The following RAP1B variants were observed in gnomAD, a reference collection of about 807,000 sequenced individuals.
RAP1B encodes the protein RAP1B, member of RAS oncogene family, also known as ras-related protein Rap-1b.
A neutral mutation model predicts 27.5 loss-of-function variants in RAP1B; 1 was observed. The observed-to-expected ratio is 0.04, with a 90% confidence interval of 0.01 to 0.17. The LOEUF is 0.17. RAP1B is among the 10% of genes least tolerant of loss of function. The pLI, the probability that RAP1B is intolerant of heterozygous loss-of-function variation, is 1.00. For synonymous variants in RAP1B, 75 were observed against 73.1 expected, an observed-to-expected ratio of 1.03 and a Z score of -0.13; for missense variants, 84 against 214.8, an observed-to-expected ratio of 0.39 and a Z score of 3.81.
At chr12:68,616,679 C>T (rs893065739) in intron 1 of RAP1B, among the ~76,000 whole-genome samples, 3 of 152,064 alleles carry the variant, frequency 2.0e-5, no homozygotes, top group Non-Finnish European at 4.4e-5. Flanking sequence ...GGTGATCCAC[C>T]TGGCTTGGCC....
chr12:68,646,227 G>A (rs1471235558), intron 1 of RAP1B, among the ~76,000 whole-genome samples: 2 of 151,656 alleles, frequency 1.3e-5, no homozygotes, highest in Non-Finnish European at 2.9e-5. Flanking sequence ...ATGTTGTTTC[G>A]GTCAGTTGTG....
chr12:68,642,439 G>T lies in RAP1B; in HGVS notation c.-26-6260G>T, dbSNP rs1009917014. The T allele has an allele frequency of 6.0e-6, 4 of 662,482 alleles. No individual in the cohort carries two copies. The Admixed American group carries it at 7.6e-5, about 13-fold the overall frequency. 41.0% of individuals were successfully genotyped at this position (662,482 alleles called of 1,614,324 possible). A position where few individuals can be genotyped will look rare whatever the true frequency, so the allele number is the denominator to read the frequency against. On this transcript the variant is annotated intron_variant, in intron 1 of 7. Coordinates refer to ENST00000250559, the MANE Select transcript of RAP1B (RefSeq NM_001010942.3). Reference sequence around the variant, plus strand: ...TGTGCCTAAAATTATGGTGCTATTGGTCTACTGTATAATTATTATTTTTAA... The same window carrying T: ...TGTGCCTAAAATTATGGTGCTATTGTTCTACTGTATAATTATTATTTTTAA...
At chr12:68,613,409 G>A (rs1033740826) in intron 1 of RAP1B, among the ~76,000 whole-genome samples, 12 of 127,322 alleles carry the variant, frequency 9.4e-5, no homozygotes, top group African/African-American at 3.4e-4. Flanking sequence ...AAAAAAAAAA[G>A]GAGATAAGAA....
At chr12:68,638,956 C>T (rs1872812235) in intron 1 of RAP1B, among the ~76,000 whole-genome samples, 1 of 152,194 alleles carries the variant, frequency 6.6e-6, no homozygotes, top group Non-Finnish European at 1.5e-5. Context: ...TCACCACGCC[C>T]AACCTAAGAT....
At chr12:68,636,495 A>C (rs1261073520) in intron 1 of RAP1B, among the ~76,000 whole-genome samples, 1 of 152,246 alleles carries the variant, frequency 6.6e-6, no homozygotes, top group Non-Finnish European at 1.5e-5. Flanking sequence ...TAATGCAGTC[A>C]TAGCTCACTG....
At chr12:68,618,817 C>G (rs1364404377) in intron 1 of RAP1B, among the ~76,000 whole-genome samples, 3 of 152,180 alleles carry the variant, frequency 2.0e-5, no homozygotes, top group Admixed American at 2.0e-4. Flanking sequence ...CCTTTGTACA[C>G]ATCTTTAATA....
intron 1 of RAP1B, among the ~76,000 whole-genome samples, chr12:68,619,307 C>T (rs544604113): frequency 6.7e-4 from 102 of 152,086 alleles, no homozygotes; most frequent in Admixed American, 1.4e-3. Flanking sequence ...TATTTATGGT[C>T]GATGATAAAG....
intron 1 of RAP1B, chr12:68,627,259 A>C: frequency 1.9e-6 from 2 of 1,059,632 alleles, no homozygotes; most frequent in Non-Finnish European, 2.9e-6. Flanking sequence ...CCCTTAGAGC[A>C]ACCCATACAA....
At chr12:68,643,987 T>G (rs985705480) in intron 1 of RAP1B, among the ~76,000 whole-genome samples, 3 of 152,136 alleles carry the variant, frequency 2.0e-5, no homozygotes, top group Admixed American at 2.0e-4. Context: ...ATCTCAAGAT[T>G]TTTTCCGTAC....
rs879885492 is a variant in RAP1B, at chr12:68,627,946, T to TA, written c.-27+16914dup. Among the ~76,000 whole-genome samples, 1,306 of 148,922 alleles carry TA rather than the reference T, an allele frequency of 8.8e-3. 9 individuals carry two copies. Among genetic ancestry groups the TA allele is most frequent in the Non-Finnish European group, 0.013 (875 of 66,922 alleles). On this transcript the variant is annotated intron_variant, in intron 1 of 7. Transcript: ENST00000250559. ...CAAGACCCTGTATCTGCAAAAAATT[T>TA]AAAAAAAAAAATTTAATCAGGCATG...
At chr12:68,625,125 CT>C (rs1871660413) in intron 1 of RAP1B, among the ~76,000 whole-genome samples, 1 of 152,186 alleles carries the variant, frequency 6.6e-6, no homozygotes, top group Non-Finnish European at 1.5e-5. Flanking sequence ...TTTTTTGGAG[CT>C]ACTTTAAGTA....
At chr12:68,634,450 C>T (rs75396730) in intron 1 of RAP1B, among the ~76,000 whole-genome samples, 3,569 of 152,188 alleles carry the variant, frequency 0.023, 48 homozygotes, top group Middle Eastern at 0.034. Context: ...ACTGCTAGTT[C>T]AGATGACAGG....
intron 1 of RAP1B, chr12:68,641,216 GCC>G (rs965312157): frequency 9.2e-5 from 14 of 152,288 alleles, no homozygotes; most frequent in African/African-American, 3.4e-4. Context: ...TCACCATGTT[GCC>G]CGGGCTGGTC....
chr12:68,656,978 T>G, intron 6 of RAP1B, 123 bp from the exon 7 acceptor site: 1 of 837,134 alleles, frequency 1.2e-6, no homozygotes, highest in Non-Finnish European at 1.9e-6. Context: ...TTCTCATTCC[T>G]TAGCTGAACA....
At chr12:68,619,788 TCTC>T (rs1371949503) in intron 1 of RAP1B, among the ~76,000 whole-genome samples, 2 of 152,238 alleles carry the variant, frequency 1.3e-5, no homozygotes, top group African/African-American at 2.4e-5. Context: ...TATCTTAAAA[TCTC>T]CTATTAATAT....
In RAP1B at chr12:68,668,318, C is replaced by G. The variant is rs1874933791; in HGVS notation, c.*9069C>G. The G allele has an allele frequency of 6.6e-6, 1 of 152,180 alleles. No individual in the cohort carries two copies. The highest frequency in any genetic ancestry group is 2.1e-4 in the South Asian group (1 of 4,832). 9.4% of individuals were successfully genotyped at this position (152,180 alleles called of 1,614,324 possible). A position where few individuals can be genotyped will look rare whatever the true frequency, so the allele number is the denominator to read the frequency against. ...TACTGTATCAGAGGAGCCAGTTGCACAGTGTTGATCTCCCTAAGACTATTA... is the reference window on the plus strand; with the variant it reads ...TACTGTATCAGAGGAGCCAGTTGCAGAGTGTTGATCTCCCTAAGACTATTA... On this transcript the variant is annotated 3_prime_UTR_variant, in exon 8 of 8. Coordinates refer to ENST00000250559, the MANE Select transcript of RAP1B (RefSeq NM_001010942.3).
chr12:68,657,868 C>T (rs574670399), intron 7 of RAP1B, among the ~76,000 whole-genome samples: 1 of 151,396 alleles, frequency 6.6e-6, no homozygotes, highest in Admixed American at 6.6e-5. Context: ...CATCATGTGC[C>T]AGTCACACAC....
chr12:68,620,070 T>C (rs554357493), intron 1 of RAP1B, among the ~76,000 whole-genome samples: 10 of 152,178 alleles, frequency 6.6e-5, no homozygotes, highest in African/African-American at 2.4e-4. Flanking sequence ...TAGTAATGTC[T>C]TTTTGACCTG....
chr12:68,662,988 C>T lies in RAP1B; in HGVS notation c.*3739C>T, dbSNP rs1434787467. 6.6e-6 allele frequency: 1 copy of T among 151,300 alleles called. No individual in the cohort carries two copies. The highest frequency in any genetic ancestry group is 2.4e-5 in the African/African-American group (1 of 41,218). The allele number at this position is 151,300 out of a possible 1,614,324, so 9.4% of individuals were successfully genotyped here. A position where few individuals can be genotyped will look rare whatever the true frequency, so the allele number is the denominator to read the frequency against. On this transcript the variant is annotated 3_prime_UTR_variant, in exon 8 of 8. Coordinates refer to ENST00000250559, the MANE Select transcript of RAP1B (RefSeq NM_001010942.3). ...CGATGGCAATAGAGTGAGACCCTGTCTTAGAAAAAAAAGATAAATAAGTCT... is the reference window on the plus strand; with the variant it reads ...CGATGGCAATAGAGTGAGACCCTGTTTTAGAAAAAAAAGATAAATAAGTCT...
Sources: allele counts gnomAD v4.1 joint callset (sites outside exome capture counted in the v4.1 genomes callset), GRCh38; gene constraint gnomAD v4.1.1; transcripts MANE v1.5; gene names NCBI Gene and HGNC (gene_info 2026-07-23, HGNC 2026-07-21).